ESR2: variants seen among roughly 807,000 people sequenced by gnomAD.
The protein encoded by ESR2 is estrogen receptor beta.
Under a neutral mutation model 49.6 loss-of-function variants are expected in ESR2, and 36 were observed. The observed-to-expected ratio is 0.73, with a 90% CI of 0.56 to 0.96. The LOEUF (loss-of-function observed/expected upper bound fraction) is 0.96, where lower values mean the gene tolerates loss of function less well. Among genes scored for constraint, ESR2 ranks in the 40% least tolerant of loss-of-function variants. The pLI is 0.00. For missense variants in ESR2, 714 were observed against 693.0 expected (o/e 1.03, Z -0.34); for synonymous variants, 320 against 266.1 (o/e 1.20, Z -1.97).
At chr14:64,334,798 C>T (rs144726050) in intron 1 of ESR2, among the ~76,000 whole-genome samples, 4 of 152,336 alleles carry the variant, frequency 2.6e-5, no homozygotes, top group East Asian at 1.9e-4. Flanking sequence ...AGGCGTGTGA[C>T]GCCAGGCCAG....
intron 1 of ESR2, among the ~76,000 whole-genome samples, chr14:64,314,055 T>C (rs1018000311): frequency 1.3e-5 from 2 of 152,030 alleles, no homozygotes; most frequent in African/African-American, 4.8e-5. Context: ...TACTCCACCC[T>C]ACAAGAGCAG....
Position 64,237,256 on chromosome 14 carries a change from G to A in ESR2, c.1226-2106C>T, listed in dbSNP as rs551142289. On this transcript the variant is annotated intron_variant, in intron 7 of 8. Transcript: ENST00000341099. ...ATTACAAGCGTGAGCCACTGTGCCCGGCCAGACCCTTATTTTTTTTAGCCA... is the reference window on the plus strand; with the variant it reads ...ATTACAAGCGTGAGCCACTGTGCCCAGCCAGACCCTTATTTTTTTTAGCCA... Among the ~76,000 whole-genome samples, 22 of 152,208 alleles carry A rather than the reference G, an allele frequency of 1.4e-4. 2 individuals are homozygous for A. In the South Asian group the frequency reaches 3.9e-3, roughly 27 times the overall value.
At position 64,229,611 on chromosome 14, in the gene ESR2, A is replaced by T. The variant is rs2098725369; in HGVS notation, c.*3526T>A. On this transcript the variant is annotated 3_prime_UTR_variant, in exon 9 of 9. Coordinates refer to ENST00000341099, the MANE Select transcript of ESR2 (RefSeq NM_001437.3). ...CTGCAGTTTTAAAATATTTTTCTTT[A>T]AATTTTTAAACTGTTTGAAGTGCAT... 6.6e-6 allele frequency among the ~76,000 whole-genome samples: 1 copy of T among 152,180 alleles called. No individual in the cohort carries two copies. The highest frequency in any genetic ancestry group is 2.1e-4 in the South Asian group (1 of 4,828).
intron 7 of ESR2, among the ~76,000 whole-genome samples, chr14:64,235,843 C>T (rs2075585718): frequency 6.6e-6 from 1 of 152,192 alleles, no homozygotes; most frequent in Non-Finnish European, 1.5e-5. Context: ...CCATCCTGCC[C>T]TGCCCTGTGT....
At chr14:64,264,578 G>T (rs958543628) in intron 4 of ESR2, among the ~76,000 whole-genome samples, 1 of 152,046 alleles carries the variant, frequency 6.6e-6, no homozygotes, top group Non-Finnish European at 1.5e-5. Context: ...GTTTTAAAAA[G>T]CACCTTTCTG....
At chr14:64,324,232 G>T (rs920651158) in intron 1 of ESR2, among the ~76,000 whole-genome samples, 7 of 152,032 alleles carry the variant, frequency 4.6e-5, no homozygotes, top group Admixed American at 2.0e-4. Flanking sequence ...TACAAGAAGA[G>T]ATTATAAAAG....
chr14:64,326,578 G>T (rs1262562886), intron 1 of ESR2, among the ~76,000 whole-genome samples: 1 of 151,932 alleles, frequency 6.6e-6, no homozygotes, highest in Non-Finnish European at 1.5e-5. Flanking sequence ...TGACATGTTG[G>T]TATCAAAAGT....
At chr14:64,306,660 C>T (rs1383146834) in intron 1 of ESR2, among the ~76,000 whole-genome samples, 2 of 152,174 alleles carry the variant, frequency 1.3e-5, no homozygotes, top group African/African-American at 4.8e-5. Context: ...GTCCTTTTTA[C>T]ATATTGTTAG....
chr14:64,259,419 A>C (rs992868626), intron 5 of ESR2, among the ~76,000 whole-genome samples: 1 of 152,188 alleles, frequency 6.6e-6, no homozygotes, highest in African/African-American at 2.4e-5. Context: ...AGTGGCTCAG[A>C]ACTTATAAGA....
rs8014219 is a variant in ESR2, at chr14:64,290,513, A to T, written c.-91+3520T>A. Reference sequence around the variant, plus strand: ...GGCCTCCCAGGTTCAAGCAATTCTCATGCCTCAGCCTCCTGAGTAGCTGGG... The same window carrying T: ...GGCCTCCCAGGTTCAAGCAATTCTCTTGCCTCAGCCTCCTGAGTAGCTGGG... On this transcript the variant is annotated intron_variant, in intron 1 of 8. Coordinates refer to ENST00000341099, the MANE Select transcript of ESR2 (RefSeq NM_001437.3). Among the ~76,000 whole-genome samples the T allele has an allele frequency of 6.1e-3, 924 of 152,100 alleles. 12 individuals carry two copies. Among genetic ancestry groups the T allele is most frequent in the African/African-American group, 0.021 (886 of 41,486 alleles).
chr14:64,255,314 T>C (rs2076077251), intron 6 of ESR2, among the ~76,000 whole-genome samples: 1 of 151,806 alleles, frequency 6.6e-6, no homozygotes, highest in African/African-American at 2.4e-5. Context: ...TTGGCCCCAG[T>C]TAAAACACCA....
At chr14:64,332,627 C>T (rs554451096) in intron 1 of ESR2, among the ~76,000 whole-genome samples, 10 of 151,722 alleles carry the variant, frequency 6.6e-5, no homozygotes, top group African/African-American at 2.4e-4. Context: ...GGTGAAACCC[C>T]GTCTCTACTA....
chr14:64,253,392 T>C (rs1313424571), intron 6 of ESR2, among the ~76,000 whole-genome samples: 1 of 151,974 alleles, frequency 6.6e-6, no homozygotes, highest in Admixed American at 6.6e-5. Flanking sequence ...GGTTTCATCA[T>C]GTTGCTCAGG....
At chr14:64,284,349 G>A (rs148250107) in intron 1 of ESR2, among the ~76,000 whole-genome samples, 10 of 151,742 alleles carry the variant, frequency 6.6e-5, no homozygotes, top group African/African-American at 1.7e-4. Context: ...TTTTTGAGAT[G>A]GAGTTTCACT....
At chr14:64,295,977 G>A (rs1278652579), upstream of ESR2, among the ~76,000 whole-genome samples, 1 of 149,152 alleles carries the variant, frequency 6.7e-6, no homozygotes, top group Non-Finnish European at 1.5e-5. Flanking sequence ...ATGGGAGGCG[G>A]AGGTTGCAGT....
chr14:64,332,946 A>C (rs994452689), intron 1 of ESR2, among the ~76,000 whole-genome samples: 103 of 139,948 alleles, frequency 7.4e-4, no homozygotes, highest in African/African-American at 2.6e-3. Flanking sequence ...GCGCGATCTC[A>C]GCTCACTGCA....
chr14:64,249,801 A>ATT, intron 6 of ESR2, 122 bp from the exon 7 acceptor site: 1 of 970,336 alleles, frequency 1.0e-6, no homozygotes, highest in Non-Finnish European at 1.5e-6. Flanking sequence ...TGATAATATC[A>ATT]TTTTAACTAC....
At position 64,282,908 on chromosome 14, in the gene ESR2, C is replaced by G. The variant is rs1026875491; in HGVS notation, c.78G>C (p.Glu26Asp). Residue 26 changes from glutamate (E) to aspartate (D), a missense_variant, in exon 2 of 9, where the codon GAG becomes GAC. Coordinates refer to ENST00000341099, the MANE Select transcript of ESR2 (RefSeq NM_001437.3). Reference sequence around the variant, plus strand: ...AGGAAGGTATGTATATGGAGCCGTGCTCCAGGGGTAAGATGGATTGACTGC... The same window carrying G: ...AGGAAGGTATGTATATGGAGCCGTGGTCCAGGGGTAAGATGGATTGACTGC... ...YNCSQSILPL[E>D]HGSIYIPSSY... is the part of the protein sequence containing the mutation. 6.2e-7 allele frequency: 1 copy of G among 1,614,166 alleles called. No homozygotes were observed. The highest frequency in any genetic ancestry group is 8.5e-7 in the Non-Finnish European group (1 of 1,180,010).
At chr14:64,267,420 G>A (rs1276285290) in intron 4 of ESR2, among the ~76,000 whole-genome samples, 1 of 152,142 alleles carries the variant, frequency 6.6e-6, no homozygotes, top group East Asian at 1.9e-4. Flanking sequence ...ATGTTCTACA[G>A]AGGAAATGAA....
Sources: allele counts gnomAD v4.1 joint callset (sites outside exome capture counted in the v4.1 genomes callset), GRCh38; gene constraint gnomAD v4.1.1; transcripts MANE v1.5; gene names NCBI Gene and HGNC (gene_info 2026-07-23, HGNC 2026-07-21).